DEK: variants seen among roughly 807,000 people sequenced by gnomAD.
The protein encoded by DEK is DEK proto-oncogene.
A neutral mutation model predicts 46.8 loss-of-function variants in DEK; 28 were observed. The ratio of observed to expected loss-of-function variants is 0.60; its 90% CI spans 0.44 to 0.82. DEK has a LOEUF of 0.82. Among genes scored for constraint, DEK ranks in the 40% least tolerant of loss-of-function variants. The pLI is 0.00. For missense variants in DEK, 416 were observed against 430.6 expected, an observed-to-expected ratio of 0.97 and a Z score of 0.30; for synonymous variants, 160 against 144.5, an observed-to-expected ratio of 1.11 and a Z score of -0.77.
In DEK at chr6:18,258,313, T is replaced by C. The variant is rs373964620; in HGVS notation, c.238A>G (p.Ile80Val). The C allele has an allele frequency of 9.3e-6, 15 of 1,608,692 alleles. No individual in the cohort carries two copies. The highest frequency in any genetic ancestry group is 3.3e-4 in the Middle Eastern group (2 of 6,056). ...GCTAGAATAAACTTACCTTGTGCAA[T>C]TGTAAATGGCTCTCTCTGTAAGGAA... ...VSSLQREPFTIAQGKGQKLCE... is the reference protein window; with the variant it reads ...VSSLQREPFTVAQGKGQKLCE... The change falls in exon 3 of 11, where the codon ATT becomes GTT. Residue 80 changes from isoleucine to valine, a missense_variant. Ile to Val is a conservative substitution (Grantham distance 29). Transcript: ENST00000652689.
rs541276117 is a variant in DEK, at chr6:18,261,514, T to C, written c.145+2329A>G. Among the ~76,000 whole-genome samples the C allele has an allele frequency of 4.6e-5, 7 of 152,300 alleles. No individual in the cohort carries two copies. The South Asian group carries it at 1.5e-3, about 32-fold the overall frequency. On this transcript the variant is annotated intron_variant, in intron 2 of 10. Coordinates refer to ENST00000652689, the MANE Select transcript of DEK (RefSeq NM_003472.4). ...TTGAACCAGGAGGCAGAGGTTGCGG[T>C]TAGCCGAGGTCAGGCCACTGCACTC...
intron 2 of DEK, among the ~76,000 whole-genome samples, chr6:18,261,379 C>T (rs1582303219): frequency 1.3e-5 from 2 of 152,268 alleles, no homozygotes; most frequent in African/African-American, 2.4e-5. Context: ...TTGAGACCAG[C>T]CTGACCAACA....
intron 2 of DEK, among the ~76,000 whole-genome samples, chr6:18,260,468 C>A (rs1791807503): frequency 1.3e-5 from 2 of 152,172 alleles, no homozygotes; most frequent in Non-Finnish European, 2.9e-5. Context: ...ATAATCATCT[C>A]CAAACTTGCT....
Position 18,225,734 on chromosome 6 carries a change from T to C in DEK, c.1117-4A>G. 6.2e-7 allele frequency: 1 copy of C among 1,613,348 alleles called. No homozygotes were observed. Among genetic ancestry groups the C allele is most frequent in the Non-Finnish European group, 8.5e-7 (1 of 1,179,600 alleles). On this transcript the variant is annotated splice_polypyrimidine_tract_variant and splice_region_variant and intron_variant, in intron 10 of 10. Coordinates refer to ENST00000652689, the MANE Select transcript of DEK (RefSeq NM_003472.4). The stretch of plus-strand genomic sequence containing the variant: ...GTCCTCTATCTCAAGAAATTAGCTG[T>C]AATGAAAGAGAAACATTATTTTGCC...
At chr6:18,254,859 A>T (rs547264523) in intron 6 of DEK, among the ~76,000 whole-genome samples, 2 of 152,322 alleles carry the variant, frequency 1.3e-5, no homozygotes, top group South Asian at 4.1e-4. Context: ...GTTGTATAAC[A>T]AAAGTTTACA....
In DEK at chr6:18,249,801, A is replaced by G. The variant is rs781569055; in HGVS notation, c.612T>C (p.Ser204=). The change falls in exon 7 of 11, where the codon AGT becomes AGC. Residue 204 remains serine (S), a synonymous_variant. Transcript: ENST00000652689. ...TTCCAGAACTGTTCCGTTCCTTTTT[A>G]CTGCCTTTGCTACAAGTTTTTTTAG... The part of the protein sequence containing the change: ...PKSKKTCSKG[S]KKERNSSGMA... The G allele has an allele frequency of 1.2e-6, 2 of 1,603,636 alleles. No homozygotes were observed. Among genetic ancestry groups the G allele is most frequent in the Admixed American group, 3.5e-5 (2 of 57,154 alleles).
chr6:18,251,984 T>A (rs1292035291), intron 6 of DEK, among the ~76,000 whole-genome samples: 1 of 151,860 alleles, frequency 6.6e-6, no homozygotes, highest in Non-Finnish European at 1.5e-5. Flanking sequence ...CAAAAAGTAG[T>A]AATATACAAA....
intron 7 of DEK, among the ~76,000 whole-genome samples, chr6:18,241,861 T>C (rs1158419190): frequency 6.6e-6 from 1 of 152,192 alleles, no homozygotes; most frequent in African/African-American, 2.4e-5. Context: ...TGCCTGCTGA[T>C]TCCTAGATTT....
chr6:18,243,717 T>C (rs1170052648), intron 7 of DEK, among the ~76,000 whole-genome samples: 1 of 152,200 alleles, frequency 6.6e-6, no homozygotes, highest in Non-Finnish European at 1.5e-5. Context: ...GGCATTTGCT[T>C]GGAAAATATC....
In DEK at chr6:18,256,359, A is replaced by G; in HGVS notation, c.452+2T>C. ...AATACAGTATTTATAAAAATAACTT[A>G]CTTTTTCAACATTTCTTCCTTCTTT... On this transcript the variant is annotated splice_donor_variant, in intron 5 of 10. Transcript: ENST00000652689. LOFTEE classifies it high-confidence loss of function. 6.2e-7 allele frequency: 1 copy of G among 1,604,932 alleles called. No homozygotes were observed. Among genetic ancestry groups the G allele is most frequent in the Non-Finnish European group, 8.5e-7 (1 of 1,173,934 alleles).
chr6:18,264,247 C>G (rs1354763002), intron 1 of DEK, 138 bp downstream of exon 1: 4 of 266,136 alleles, frequency 1.5e-5, no homozygotes, highest in Non-Finnish European at 2.8e-5. Flanking sequence ...CCGGCCTGCG[C>G]TGTTCCCGGC....
intron 7 of DEK, among the ~76,000 whole-genome samples, chr6:18,243,941 T>G (rs1255337754): frequency 1.3e-5 from 2 of 152,170 alleles, no homozygotes. Context: ...TACTCCAGCC[T>G]GGGCAACAGA....
intron 9 of DEK, among the ~76,000 whole-genome samples, chr6:18,227,981 C>G (rs1790214135): frequency 6.6e-6 from 1 of 152,130 alleles, no homozygotes; most frequent in South Asian, 2.1e-4. Context: ...TCCTGTACTC[C>G]TAAAATTTGA....
At chr6:18,246,482 TCAAA>T (rs1343810388) in intron 7 of DEK, among the ~76,000 whole-genome samples, 13 of 152,230 alleles carry the variant, frequency 8.5e-5, no homozygotes, top group African/African-American at 2.9e-4. Context: ...ACAGAAAACC[TCAAA>T]CAAGTGCTTT....
chr6:18,244,533 T>C (rs1428429963), intron 7 of DEK: 1 of 1,289,086 alleles, frequency 7.8e-7, no homozygotes, highest in Non-Finnish European at 1.0e-6. Context: ...AGCAGGGCTC[T>C]TGAAGGAGGG....
intron 9 of DEK, among the ~76,000 whole-genome samples, chr6:18,228,114 A>C (rs1365267632): frequency 6.6e-6 from 1 of 152,200 alleles, no homozygotes; most frequent in Admixed American, 6.5e-5. Flanking sequence ...TGTATAGTTC[A>C]GGGTCAGCAA....
chr6:18,232,256 A>G (rs1293551248), intron 9 of DEK, among the ~76,000 whole-genome samples: 1 of 152,240 alleles, frequency 6.6e-6, no homozygotes, highest in Admixed American at 6.5e-5. Flanking sequence ...CACAGTCATC[A>G]TATTGAATGG....
intron 4 of DEK, among the ~76,000 whole-genome samples, chr6:18,257,294 G>C (rs754101794): frequency 3.6e-4 from 54 of 152,094 alleles, no homozygotes; most frequent in Admixed American, 1.5e-3. Context: ...CACTTATTCT[G>C]AATGTCGAGA....
chr6:18,243,880 T>A (rs1356607793), intron 7 of DEK, among the ~76,000 whole-genome samples: 1 of 152,144 alleles, frequency 6.6e-6, no homozygotes, highest in East Asian at 1.9e-4. Context: ...GGTGGCAGGA[T>A]CACTTGAACC....
Sources: gnomAD v4.1 joint callset for allele counts (sites outside exome capture counted in the v4.1 genomes callset) on GRCh38, gnomAD v4.1.1 for gene constraint, MANE v1.5 for transcripts, NCBI Gene and HGNC (gene_info 2026-07-23, HGNC 2026-07-21) for gene names.